ARHGEF18: variants seen among roughly 807,000 people sequenced by gnomAD.
The protein encoded by ARHGEF18 is Rho/Rac guanine nucleotide exchange factor 18.
A neutral mutation model predicts 155.7 loss-of-function variants in ARHGEF18; 93 were observed. The observed-to-expected ratio is 0.60, with a 90% CI of 0.50 to 0.71. The LOEUF (loss-of-function observed/expected upper bound fraction) is 0.71, where lower values mean the gene tolerates loss of function less well. Among genes scored for constraint, ARHGEF18 ranks in the 30% least tolerant of loss-of-function variants. The pLI is 0.00. For synonymous variants in ARHGEF18, 742 were observed against 753.1 expected (o/e 0.99, Z 0.24); for missense variants, 1,593 against 1,816.1 (o/e 0.88, Z 2.23).
At chr19:7,407,020 G>A (rs1289506624) in intron 10 of ARHGEF18, among the ~76,000 whole-genome samples, 9 of 147,876 alleles carry the variant, frequency 6.1e-5, no homozygotes, top group East Asian at 4.0e-4. Flanking sequence ...AGCGGAGATC[G>A]TGCCACTGCA....
chr19:7,399,728 C>T (rs886855496), intron 10 of ARHGEF18, among the ~76,000 whole-genome samples: 3 of 151,068 alleles, frequency 2.0e-5, no homozygotes, highest in African/African-American at 7.3e-5. Context: ...GATCCGCCCA[C>T]TTCGCCTCCC....
chr19:7,458,773 G>C, intron 19 of ARHGEF18, 83 bp downstream of exon 19: 1 of 1,451,250 alleles, frequency 6.9e-7, no homozygotes, highest in Non-Finnish European at 9.2e-7. Flanking sequence ...TTGGCCATCA[G>C]CTGTGACCTT....
At chr19:7,399,998 T>TG (rs1299204396) in intron 10 of ARHGEF18, among the ~76,000 whole-genome samples, 1 of 152,116 alleles carries the variant, frequency 6.6e-6, no homozygotes, top group African/African-American at 2.4e-5. Flanking sequence ...CTCAAACTCA[T>TG]GGGCTCAAGC....
In ARHGEF18 at chr19:7,463,064, C is replaced by A. The variant is rs1466610534; in HGVS notation, c.2635+730C>A. 1.3e-5 allele frequency among the ~76,000 whole-genome samples: 2 copies of A among 152,218 alleles called. No individual in the cohort carries two copies. The highest frequency in any genetic ancestry group is 3.9e-4 in the East Asian group (2 of 5,160). ...GGCCAGGCTGGTCTCGAACTCCTGA[C>A]CTCAGATGATCCACCCTCCTCTGCC... On this transcript the variant is annotated intron_variant, in intron 21 of 28. Coordinates refer to ENST00000668164, the MANE Select transcript of ARHGEF18 (RefSeq NM_001367823.1). The surrounding 1 kb of genome is among the most constrained non-coding windows in gnomAD (Gnocchi z 5.2).
chr19:7,371,334 G>A (rs1446937107), intron 2 of ARHGEF18, among the ~76,000 whole-genome samples: 3 of 152,140 alleles, frequency 2.0e-5, no homozygotes, highest in Non-Finnish European at 4.4e-5. Flanking sequence ...TGGAGGTGAT[G>A]GTTGCACAGC....
rs372921662 is a variant in ARHGEF18 at position 7,444,377 on chromosome 19, C to A, written c.1534C>A (p.Arg512Ser). 73 of 1,613,506 alleles carry A rather than the reference C, an allele frequency of 4.5e-5. No homozygotes were observed. The highest frequency in any genetic ancestry group is 5.8e-5 in the Non-Finnish European group (68 of 1,180,040). ...HSHFLARLKE[R>S]RQESLEEGSD... ...CCACTTCCTCGCTCGGCTCAAGGAG[C>A]GCCGCCAGGAGTCCCTGGAGGAGGG... The change falls in exon 14 of 29, where the codon CGC becomes AGC. Residue 512 changes from arginine (R) to serine (S), a missense_variant. Arg to Ser is a moderately radical substitution (Grantham distance 110). Transcript: ENST00000668164. The surrounding 1 kb of genome is among the most constrained non-coding windows in gnomAD (Gnocchi z 4.7).
At chr19:7,412,413 T>A (rs944794277) in intron 10 of ARHGEF18, among the ~76,000 whole-genome samples, 2 of 151,456 alleles carry the variant, frequency 1.3e-5, no homozygotes, top group East Asian at 3.9e-4. Context: ...TTTCTCCGCC[T>A]TCTCACCGAG....
At chr19:7,457,807 A>G (rs62109839) in intron 18 of ARHGEF18, among the ~76,000 whole-genome samples, 5,047 of 152,128 alleles carry the variant, frequency 0.033, 140 homozygotes, top group South Asian at 0.078. Context: ...CTGTGGAAGC[A>G]TTGTCTCTTG....
intron 15 of ARHGEF18, among the ~76,000 whole-genome samples, chr19:7,450,056 A>T (rs1975263284): frequency 6.6e-6 from 1 of 151,978 alleles, no homozygotes; most frequent in African/African-American, 2.4e-5. Flanking sequence ...GTGGCAAAGG[A>T]AAGGTCCTGG....
Position 7,370,224 on chromosome 19 carries a change from G to A in ARHGEF18, c.16-2588G>A, listed in dbSNP as rs190656934. On this transcript the variant is annotated intron_variant, in intron 2 of 28. Coordinates refer to ENST00000668164, the MANE Select transcript of ARHGEF18 (RefSeq NM_001367823.1). ...AAAGTAAAAAATAGGGGCTGGGCGC[G>A]GTGGCTCACGCCTGTAATCCCAGCA... Among the ~76,000 whole-genome samples, 241 of 151,374 alleles carry A rather than the reference G, an allele frequency of 1.6e-3. 1 individual carries two copies. Among genetic ancestry groups the A allele is most frequent in the African/African-American group, 5.6e-3 (232 of 41,260 alleles).
intron 10 of ARHGEF18, among the ~76,000 whole-genome samples, chr19:7,427,567 C>T (rs543964426): frequency 6.6e-5 from 10 of 151,562 alleles, no homozygotes; most frequent in African/African-American, 2.2e-4. Context: ...ATCACTGGAG[C>T]CCAGGAGGTC....
Position 7,458,499 on chromosome 19 carries a change from T to A in ARHGEF18, c.2182-13T>A. 6.2e-7 allele frequency: 1 copy of A among 1,612,802 alleles called. No individual in the cohort carries two copies. Among genetic ancestry groups the A allele is most frequent in the Non-Finnish European group, 8.5e-7 (1 of 1,179,090 alleles). On this transcript the variant is annotated splice_polypyrimidine_tract_variant and intron_variant, in intron 18 of 28. Coordinates refer to ENST00000668164, the MANE Select transcript of ARHGEF18 (RefSeq NM_001367823.1). ...GTAAAGGGTGACCTCCCCAATGCCC[T>A]CTACTCATGCAGGACTCAAAGCCAC...
At chr19:7,401,524 A>C (rs1045989847) in intron 10 of ARHGEF18, among the ~76,000 whole-genome samples, 1 of 152,150 alleles carries the variant, frequency 6.6e-6, no homozygotes, top group African/African-American at 2.4e-5. Flanking sequence ...CCTGAACTCA[A>C]GCAATCTGCC....
chr19:7,415,449 C>T (rs1347736977), intron 10 of ARHGEF18, among the ~76,000 whole-genome samples: 1 of 152,094 alleles, frequency 6.6e-6, no homozygotes, highest in East Asian at 1.9e-4. Flanking sequence ...TCCAGTGTGC[C>T]CTGCTCCCCA....
intron 10 of ARHGEF18, among the ~76,000 whole-genome samples, chr19:7,435,331 G>T (rs951019514): frequency 2.6e-5 from 4 of 152,156 alleles, no homozygotes; most frequent in Admixed American, 6.6e-5. Context: ...CACAGACCCA[G>T]AAATGACCGT....
intron 10 of ARHGEF18, among the ~76,000 whole-genome samples, chr19:7,412,342 G>A (rs1279903753): frequency 1.3e-5 from 2 of 151,314 alleles, no homozygotes; most frequent in Non-Finnish European, 2.9e-5. Flanking sequence ...GAACCACCAA[G>A]CTGTCTTCCA....
chr19:7,415,215 T>G (rs12971646), intron 10 of ARHGEF18, among the ~76,000 whole-genome samples: 83,735 of 151,830 alleles, frequency 0.55, 23,549 homozygotes, highest in Middle Eastern at 0.74. Context: ...CTAACCCTGC[T>G]CCTGGGCACT....
Position 7,376,718 on chromosome 19 carries a change from ATC to A in ARHGEF18, c.507_508del (p.Pro170GlyfsTer67). The A allele has an allele frequency of 8.1e-7, 1 of 1,234,460 alleles. No homozygotes were observed. Among genetic ancestry groups the A allele is most frequent in the East Asian group, 3.2e-5 (1 of 31,706 alleles). 76.5% of individuals were successfully genotyped at this position (1,234,460 alleles called of 1,614,324 possible). Reference sequence around the variant, plus strand: ...CTTCTATGAGATCCGCTCTCCGGAAATCTCTCCGGGTTTGGAAGTGCCCACTC... The same window carrying A: ...CTTCTATGAGATCCGCTCTCCGGAAATCTCCGGGTTTGGAAGTGCCCACTC... ...VSFYEIRSPE[I>X]SPGLEVPTPP... On this transcript the variant is annotated frameshift_variant, in exon 5 of 29. Coordinates refer to ENST00000668164, the MANE Select transcript of ARHGEF18 (RefSeq NM_001367823.1). LOFTEE classifies it high-confidence loss of function.
Position 7,464,079 on chromosome 19 carries a change from C to G in ARHGEF18, c.2773+124C>G, listed in dbSNP as rs1600537814. ...TTGAGACAGAGTCTTGCTCTGTCAC[C>G]CAGGCTGGAGTGCAGTGGCGCAATC... On this transcript the variant is annotated intron_variant, in intron 22 of 28. Coordinates refer to ENST00000668164, the MANE Select transcript of ARHGEF18 (RefSeq NM_001367823.1). The G allele has an allele frequency of 3.7e-6, 5 of 1,340,372 alleles. No individual in the cohort carries two copies. In the East Asian group the frequency reaches 1.3e-4, roughly 36 times the overall value. 83.0% of individuals were successfully genotyped at this position (1,340,372 alleles called of 1,614,324 possible).
Sources: gnomAD v4.1 joint callset for allele counts (sites outside exome capture counted in the v4.1 genomes callset) on GRCh38, gnomAD v4.1.1 for gene constraint, Gnocchi (gnomAD v3.1) non-coding constraint, MANE v1.5 for transcripts, NCBI Gene and HGNC (gene_info 2026-07-23, HGNC 2026-07-21) for gene names.